RBM20: variants seen among roughly 807,000 people sequenced by gnomAD.
RBM20 encodes RNA-binding protein 20.
A neutral mutation model predicts 110.1 loss-of-function variants in RBM20; 51 were observed. The ratio of observed to expected loss-of-function variants is 0.46; its 90% CI spans 0.37 to 0.59. RBM20 has a LOEUF of 0.59. Among genes scored for constraint, RBM20 ranks in the 20% least tolerant of loss-of-function variants. RBM20 has a pLI of 0.00. For missense variants in RBM20, 1,512 were observed against 1,574.9 expected (o/e 0.96, Z 0.68); for synonymous variants, 589 against 618.2 (o/e 0.95, Z 0.70).
At chr10:110,823,423 T>G in intron 11 of RBM20, 57 bp from the exon 12 acceptor site, 6 of 1,471,360 alleles carry the variant, frequency 4.1e-6, no homozygotes, top group African/African-American at 1.6e-5. Context: ...TTGAGGCATG[T>G]TGTATTTCTT....
At chr10:110,663,628 G>GT (rs1372507547) in intron 1 of RBM20, among the ~76,000 whole-genome samples, 1 of 152,140 alleles carries the variant, frequency 6.6e-6, no homozygotes, top group Non-Finnish European at 1.5e-5. Flanking sequence ...ATAGATGTTT[G>GT]TCTTAATTAT....
chr10:110,824,707 A>T (rs1174625495), intron 12 of RBM20, among the ~76,000 whole-genome samples: 1 of 152,208 alleles, frequency 6.6e-6, no homozygotes, highest in Non-Finnish European at 1.5e-5. Flanking sequence ...AGATTCTGAC[A>T]CAACCACTAA....
chr10:110,668,887 TAA>T (rs74542918), intron 1 of RBM20, among the ~76,000 whole-genome samples: 2 of 141,604 alleles, frequency 1.4e-5, no homozygotes, highest in Admixed American at 7.1e-5. Flanking sequence ...GTATAACAAT[TAA>T]AAAAAAAAAA....
At chr10:110,691,097 A>G (rs2134876668) in intron 1 of RBM20, among the ~76,000 whole-genome samples, 1 of 152,308 alleles carries the variant, frequency 6.6e-6, no homozygotes, top group African/African-American at 2.4e-5. Context: ...GAGAAGAGAC[A>G]CGAAAGAGCT....
chr10:110,674,828 C>T (rs934116038), intron 1 of RBM20, among the ~76,000 whole-genome samples: 3 of 152,154 alleles, frequency 2.0e-5, no homozygotes, highest in Non-Finnish European at 2.9e-5. Flanking sequence ...ATTCTCCCAC[C>T]GGAGGATATG....
Position 110,807,772 on chromosome 10 carries a change from C to T in RBM20, c.1801-2611C>T, listed in dbSNP as rs755668376. Among the ~76,000 whole-genome samples the T allele has an allele frequency of 1.3e-4, 20 of 152,244 alleles. 1 individual carries two copies. The highest frequency in any genetic ancestry group is 2.6e-4 in the Non-Finnish European group (18 of 68,050). On this transcript the variant is annotated intron_variant, in intron 7 of 13. Coordinates refer to ENST00000369519, the MANE Select transcript of RBM20 (RefSeq NM_001134363.3). ...CAGAAGAAAACTGGAACCTTGGGGA[C>T]TCTTTTTACAACAGAAAGCTCCCCA...
chr10:110,818,125 C>CA (rs11317341), intron 9 of RBM20, among the ~76,000 whole-genome samples: 42 of 138,366 alleles, frequency 3.0e-4, no homozygotes, highest in African/African-American at 1.1e-3. Flanking sequence ...ACTAAAAATA[C>CA]AAAAAAAAAA....
chr10:110,736,461 T>G (rs1432626656), intron 1 of RBM20, among the ~76,000 whole-genome samples: 1 of 152,210 alleles, frequency 6.6e-6, no homozygotes, highest in Admixed American at 6.5e-5. Flanking sequence ...TTGGATTAGG[T>G]CATTGAATAC....
intron 1 of RBM20, among the ~76,000 whole-genome samples, chr10:110,670,224 G>T (rs2134839243): frequency 6.6e-6 from 1 of 152,226 alleles, no homozygotes; most frequent in South Asian, 2.1e-4. Flanking sequence ...TTTTTGTCTT[G>T]ATTTTTCCTT....
intron 3 of RBM20, among the ~76,000 whole-genome samples, chr10:110,783,809 A>G (rs948066233): frequency 2.5e-4 from 38 of 152,342 alleles, no homozygotes; most frequent in African/African-American, 7.9e-4. Flanking sequence ...TAGCACATTC[A>G]CGACATTGTG....
chr10:110,649,462 G>A (rs960694287), intron 1 of RBM20, among the ~76,000 whole-genome samples: 1 of 152,162 alleles, frequency 6.6e-6, no homozygotes, highest in Non-Finnish European at 1.5e-5. Context: ...AGTAAGAATT[G>A]AGGAAGCTTG....
intron 8 of RBM20, among the ~76,000 whole-genome samples, 193 bp from the exon 9 acceptor site, chr10:110,812,085 C>T (rs535873921): frequency 2.0e-5 from 3 of 152,338 alleles, no homozygotes; most frequent in East Asian, 3.9e-4. Context: ...AGGAGAAGTC[C>T]TCTGCACGGA....
intron 1 of RBM20, among the ~76,000 whole-genome samples, chr10:110,724,900 C>A (rs12411894): frequency 0.032 from 4,946 of 152,244 alleles, 196 homozygotes; most frequent in Admixed American, 0.087. Flanking sequence ...ACTGCTTGGG[C>A]TCTGACTGCA....
chr10:110,748,895 T>C (rs897315735), intron 1 of RBM20, among the ~76,000 whole-genome samples: 1 of 152,230 alleles, frequency 6.6e-6, no homozygotes, highest in Non-Finnish European at 1.5e-5. Flanking sequence ...AACCACTTAA[T>C]GTGGTTTTCG....
chr10:110,778,955 T>A (rs1844302355), intron 1 of RBM20, among the ~76,000 whole-genome samples: 1 of 152,236 alleles, frequency 6.6e-6, no homozygotes, highest in Non-Finnish European at 1.5e-5. Context: ...TATTGTCCCC[T>A]ACCTCAAATT....
chr10:110,749,193 G>T (rs1305593812), intron 1 of RBM20, among the ~76,000 whole-genome samples: 1 of 152,174 alleles, frequency 6.6e-6, no homozygotes, highest in Admixed American at 6.5e-5. Context: ...AATAAATGAA[G>T]CACAAGGATG....
intron 1 of RBM20, among the ~76,000 whole-genome samples, chr10:110,723,110 TAA>T (rs575216610): frequency 0.1 from 13,286 of 127,916 alleles, 826 homozygotes; most frequent in Non-Finnish European, 0.15. Flanking sequence ...AGACTCCATC[TAA>T]AAAAAAAAAA....
intron 1 of RBM20, among the ~76,000 whole-genome samples, chr10:110,672,180 C>T (rs1862270079): frequency 6.6e-6 from 1 of 152,208 alleles, no homozygotes; most frequent in Admixed American, 6.5e-5. Flanking sequence ...TCTCCGCGCA[C>T]TTGGACAGGG....
At chr10:110,675,101 T>A (rs1215776158) in intron 1 of RBM20, among the ~76,000 whole-genome samples, 1 of 142,634 alleles carries the variant, frequency 7.0e-6, no homozygotes, top group Non-Finnish European at 1.6e-5. Flanking sequence ...AGAAGAACAA[T>A]GGATCATCTG....
Sources: allele counts gnomAD v4.1 joint callset (sites outside exome capture counted in the v4.1 genomes callset), GRCh38; gene constraint gnomAD v4.1.1; transcripts MANE v1.5; gene names NCBI Gene and HGNC (gene_info 2026-07-23, HGNC 2026-07-21).